The following SLC39A12 variants were observed in gnomAD, a reference collection of about 807,000 sequenced individuals.
SLC39A12 encodes zinc transporter ZIP12.
SLC39A12 carries 63 observed loss-of-function variants against 71.1 expected under a neutral mutation model. The observed-to-expected ratio is 0.89, with a 90% CI of 0.72 to 1.09. The LOEUF (loss-of-function observed/expected upper bound fraction) is 1.09. Among genes scored for constraint, SLC39A12 ranks in the 50% least tolerant of loss-of-function variants. The pLI is 0.00. For missense variants in SLC39A12, 892 were observed against 812.6 expected, an observed-to-expected ratio of 1.10 and a Z score of -1.19; for synonymous variants, 351 against 301.3, an observed-to-expected ratio of 1.16 and a Z score of -1.71.
At chr10:18,016,941 T>A (rs552376702) in intron 12 of SLC39A12, among the ~76,000 whole-genome samples, 2 of 152,304 alleles carry the variant, frequency 1.3e-5, no homozygotes, top group South Asian at 4.1e-4. Context: ...ATACCATTCC[T>A]TTATCAGATG....
intron 12 of SLC39A12, among the ~76,000 whole-genome samples, chr10:18,030,791 T>G: frequency 2.4e-5 from 1 of 41,246 alleles, no homozygotes; most frequent in South Asian, 1.1e-3. Context: ...TCCCTCCCCC[T>G]CCCCCCTCCC....
intron 2 of SLC39A12, among the ~76,000 whole-genome samples, chr10:17,957,228 G>C (rs1165689364): frequency 2.0e-5 from 3 of 152,092 alleles, no homozygotes; most frequent in Admixed American, 6.5e-5. Context: ...TGTCAGCTGA[G>C]GCTCTCACCT....
chr10:18,030,747 C>A (rs1214231117), intron 12 of SLC39A12, among the ~76,000 whole-genome samples: 1 of 148,566 alleles, frequency 6.7e-6, no homozygotes, highest in African/African-American at 2.5e-5. Flanking sequence ...CCCACTAACT[C>A]GTCATCTAGC....
intron 6 of SLC39A12, among the ~76,000 whole-genome samples, chr10:17,983,008 G>C (rs1835301076): frequency 6.6e-6 from 1 of 151,316 alleles, no homozygotes; most frequent in Non-Finnish European, 1.5e-5. Flanking sequence ...GGCTAACGCA[G>C]TGAAACCCCG....
At chr10:18,032,165 G>GT (rs1836867959) in intron 12 of SLC39A12, among the ~76,000 whole-genome samples, 1 of 126,620 alleles carries the variant, frequency 7.9e-6, no homozygotes, top group South Asian at 2.5e-4. Flanking sequence ...CTTTAAAGTA[G>GT]TTTTTTCCAA....
chr10:18,001,846 T>C (rs1835843521), intron 11 of SLC39A12: 2 of 152,202 alleles, frequency 1.3e-5, no homozygotes, highest in South Asian at 4.1e-4. Flanking sequence ...CTCTTTTAGT[T>C]ATTTTTAAAT....
At chr10:17,995,495 C>G (rs1267093934) in intron 9 of SLC39A12, among the ~76,000 whole-genome samples, 161 bp from the exon 10 acceptor site, 1 of 152,190 alleles carries the variant, frequency 6.6e-6, no homozygotes, top group Non-Finnish European at 1.5e-5. Flanking sequence ...CACAGACTTT[C>G]AGCTCTACAT....
intron 11 of SLC39A12, among the ~76,000 whole-genome samples, chr10:18,001,112 A>G (rs1835821290): frequency 6.6e-6 from 1 of 152,240 alleles, no homozygotes; most frequent in Non-Finnish European, 1.5e-5. Context: ...AATATTTTAA[A>G]GAATTTTGAT....
At chr10:17,964,832 G>A (rs1443498) in intron 3 of SLC39A12, among the ~76,000 whole-genome samples, 2,077 of 152,296 alleles carry the variant, frequency 0.014, 40 homozygotes, top group African/African-American at 0.043. Flanking sequence ...TGCACTTAAA[G>A]CGGGGAGAGA....
chr10:17,963,462 A>G (rs1440978837), intron 3 of SLC39A12, among the ~76,000 whole-genome samples: 1 of 152,224 alleles, frequency 6.6e-6, no homozygotes, highest in Non-Finnish European at 1.5e-5. Context: ...CAGCCCCAGA[A>G]CAGAATAAAT....
At chr10:18,018,589 G>A (rs911115705) in intron 12 of SLC39A12, among the ~76,000 whole-genome samples, 4 of 152,112 alleles carry the variant, frequency 2.6e-5, no homozygotes, top group Non-Finnish European at 4.4e-5. Context: ...TATCATGACT[G>A]AATGTTGGAT....
intron 12 of SLC39A12, among the ~76,000 whole-genome samples, chr10:18,031,961 G>C (rs145710854): frequency 3.5e-5 from 2 of 57,830 alleles, no homozygotes; most frequent in Non-Finnish European, 6.5e-5. Context: ...ATAGTTGTAG[G>C]TATGCGGCAT....
At chr10:18,023,373 G>C (rs1449221644) in intron 12 of SLC39A12, among the ~76,000 whole-genome samples, 1 of 152,032 alleles carries the variant, frequency 6.6e-6, no homozygotes, top group African/African-American at 2.4e-5. Flanking sequence ...GGGCAGCTGG[G>C]TTATGCTGGA....
At chr10:17,976,460 A>G (rs1051986419) in intron 4 of SLC39A12, among the ~76,000 whole-genome samples, 1 of 152,162 alleles carries the variant, frequency 6.6e-6, no homozygotes, top group African/African-American at 2.4e-5. Context: ...TCTGTTGCCC[A>G]GGTTGGAAGT....
At chr10:18,021,289 T>A (rs1399012090) in intron 12 of SLC39A12, among the ~76,000 whole-genome samples, 3 of 151,996 alleles carry the variant, frequency 2.0e-5, no homozygotes. Context: ...TGTACAGTTT[T>A]ATTTCTGTGT....
At chr10:18,000,095 G>T (rs529251819) in intron 10 of SLC39A12, among the ~76,000 whole-genome samples, 1 of 152,168 alleles carries the variant, frequency 6.6e-6, no homozygotes, top group South Asian at 2.1e-4. Flanking sequence ...AGATGAAGGT[G>T]CAAGACAAGA....
intron 4 of SLC39A12, among the ~76,000 whole-genome samples, chr10:17,976,252 C>A (rs1368884727): frequency 6.6e-6 from 1 of 152,120 alleles, no homozygotes; most frequent in African/African-American, 2.4e-5. Context: ...TCTTACTCTG[C>A]CTCCTCCAGT....
intron 12 of SLC39A12, among the ~76,000 whole-genome samples, chr10:18,018,570 G>A (rs1836446951): frequency 6.6e-6 from 1 of 152,112 alleles, no homozygotes; most frequent in African/African-American, 2.4e-5. Flanking sequence ...CTAGTTTACT[G>A]AGAGTTTTTA....
chr10:18,041,682 CAT>C lies in SLC39A12; in HGVS notation c.1948-1020_1948-1019del, dbSNP rs1438957071. Among the ~76,000 whole-genome samples, 403 of 43,818 alleles carry C rather than the reference CAT, an allele frequency of 9.2e-3. 12 individuals carry two copies. Among genetic ancestry groups the C allele is most frequent in the East Asian group, 0.015 (28 of 1,896 alleles). 28.7% of individuals were successfully genotyped at this position (43,818 alleles called of 152,430 possible). A position where few individuals can be genotyped will look rare whatever the true frequency, so the allele number is the denominator to read the frequency against. ...ATATATGTGTATATATATGTATATA[CAT>C]ATGTATATATGTGTATATATATGTA... On this transcript the variant is annotated intron_variant, in intron 12 of 12. Transcript: ENST00000377369.
Sources: gnomAD v4.1 joint callset for allele counts (sites outside exome capture counted in the v4.1 genomes callset) on GRCh38, gnomAD v4.1.1 for gene constraint, MANE v1.5 for transcripts, NCBI Gene and HGNC (gene_info 2026-07-23, HGNC 2026-07-21) for gene names.